TASP1: variants seen among roughly 807,000 people sequenced by gnomAD.
TASP1 encodes taspase 1, also known as threonine aspartase 1.
TASP1 carries 16 observed loss-of-function variants against 56.6 expected under a neutral mutation model. That is an observed-to-expected ratio of 0.28 (90% CI 0.19 to 0.43). TASP1 has a LOEUF of 0.43. Ranked by LOEUF, TASP1 falls within the 20% of genes least tolerant of loss-of-function variation. The probability of loss-of-function intolerance (pLI) is 1.00; values close to 1 mark genes in which losing one functional copy is unlikely to be tolerated. For missense variants in TASP1, 393 were observed against 511.6 expected (o/e 0.77, Z 2.24); for synonymous variants, 179 against 184.2 (o/e 0.97, Z 0.23).
the TASP1 span, among the ~76,000 whole-genome samples, chr20:13,351,612 GTGGT>G: frequency 6.6e-6 from 1 of 152,220 alleles, no homozygotes; most frequent in African/African-American, 2.4e-5. Context: ...GAATAGATTA[GTGGT>G]TGCTTGGGGT....
the TASP1 span, among the ~76,000 whole-genome samples, chr20:13,351,993 C>A: frequency 9.2e-5 from 14 of 152,172 alleles, no homozygotes; most frequent in African/African-American, 3.4e-4. Flanking sequence ...CTGTAAGTAG[C>A]CACATATAGC....
the TASP1 span, among the ~76,000 whole-genome samples, chr20:13,153,673 G>C: frequency 6.6e-6 from 1 of 152,134 alleles, no homozygotes; most frequent in Non-Finnish European, 1.5e-5. Context: ...CCCTTCTCTT[G>C]AGTTGATGTT....
At position 13,483,165 on chromosome 20, in the gene TASP1, G is replaced by C. The variant is rs2043200093; in HGVS notation, c.985+62C>G. On this transcript the variant is annotated intron_variant, in intron 11 of 13. Transcript: ENST00000337743. ...ATACAAATGGAGTACCTGACTCATA[G>C]TGCTTATAGAAGTGAAATAATCCAT... 3 of 1,243,288 alleles carry C rather than the reference G, an allele frequency of 2.4e-6. No individual in the cohort carries two copies. In the African/African-American group the frequency reaches 4.6e-5, roughly 19 times the overall value. 77.0% of individuals were successfully genotyped at this position (1,243,288 alleles called of 1,614,324 possible).
chr20:13,623,862 T>C (rs2048798176), intron 3 of TASP1, among the ~76,000 whole-genome samples: 3 of 152,208 alleles, frequency 2.0e-5, no homozygotes, highest in African/African-American at 7.2e-5. Flanking sequence ...TCATATTTTA[T>C]ACAGAACACT....
At chr20:13,528,219 CAAAAA>C (rs397942980) in intron 10 of TASP1, among the ~76,000 whole-genome samples, 1,518 of 54,204 alleles carry the variant, frequency 0.028, 17 homozygotes, top group African/African-American at 0.1. Context: ...GACTCTGACT[CAAAAA>C]AAAAAAAAAA....
intron 7 of TASP1, among the ~76,000 whole-genome samples, chr20:13,561,519 C>T (rs1027414355): frequency 3.3e-5 from 5 of 152,106 alleles, no homozygotes; most frequent in Non-Finnish European, 7.4e-5. Context: ...GCACGTGCCA[C>T]CACGCCTGGC....
the TASP1 span, chr20:13,221,801 C>T: frequency 1.4e-6 from 2 of 1,454,490 alleles, no homozygotes; most frequent in Non-Finnish European, 1.8e-6. Flanking sequence ...GGCCGAGCTG[C>T]TGCTGCTGCT....
In TASP1 at chr20:13,629,918, C is replaced by T; in HGVS notation, c.145+16G>A. On this transcript the variant is annotated intron_variant, in intron 2 of 13. Coordinates refer to ENST00000337743, the MANE Select transcript of TASP1 (RefSeq NM_017714.3). ...TCAACATTATTGGCATCTTCCAAGC[C>T]ATCCACAAAGCTTACCTGCATGCAC... 1 of 1,612,886 alleles carries T rather than the reference C, an allele frequency of 6.2e-7. No homozygotes were observed. Among genetic ancestry groups the T allele is most frequent in the Non-Finnish European group, 8.5e-7 (1 of 1,179,562 alleles).
At chr20:13,483,194 T>C in intron 11 of TASP1, 33 bp downstream of exon 11, 3 of 1,408,766 alleles carry the variant, frequency 2.1e-6, no homozygotes, top group South Asian at 2.6e-5. Context: ...AATCCATATT[T>C]AGAAGATGTA....
At chr20:13,455,293 G>A (rs2043788544) in intron 11 of TASP1, among the ~76,000 whole-genome samples, 1 of 151,926 alleles carries the variant, frequency 6.6e-6, no homozygotes, top group Non-Finnish European at 1.5e-5. Flanking sequence ...TAATACAGGG[G>A]GTCTTCAAAA....
At chr20:13,493,291 T>C (rs1258660007) in intron 10 of TASP1, among the ~76,000 whole-genome samples, 2 of 152,184 alleles carry the variant, frequency 1.3e-5, no homozygotes, top group African/African-American at 2.4e-5. Context: ...TGGGTGTGTC[T>C]GTGAGGGTGC....
At chr20:13,230,166 A>T in the TASP1 span, among the ~76,000 whole-genome samples, 2 of 152,218 alleles carry the variant, frequency 1.3e-5, no homozygotes, top group Admixed American at 6.5e-5. Context: ...CTCCAAAGCA[A>T]ATAATCTCAA....
At chr20:13,500,263 G>GTGTA (rs1555772911) in intron 10 of TASP1, among the ~76,000 whole-genome samples, 1 of 140,472 alleles carries the variant, frequency 7.1e-6, no homozygotes, top group African/African-American at 2.7e-5. Flanking sequence ...GTGTATGTGT[G>GTGTA]TATATATATA....
chr20:13,542,252 A>T (rs1206319195), intron 8 of TASP1, among the ~76,000 whole-genome samples: 9 of 152,120 alleles, frequency 5.9e-5, no homozygotes, highest in Admixed American at 2.0e-4. Context: ...CATCACACAA[A>T]ATAAGTGTTA....
chr20:13,487,182 C>G (rs2043351101), intron 10 of TASP1, among the ~76,000 whole-genome samples: 1 of 152,192 alleles, frequency 6.6e-6, no homozygotes, highest in East Asian at 1.9e-4. Flanking sequence ...CTGGTACTTA[C>G]CAGTCCTCAA....
intron 10 of TASP1, among the ~76,000 whole-genome samples, chr20:13,509,438 T>A (rs1051109167): frequency 6.6e-6 from 1 of 152,138 alleles, no homozygotes; most frequent in African/African-American, 2.4e-5. Context: ...TGATTACAGT[T>A]AATAATAATG....
In TASP1 at chr20:13,580,943, A is replaced by G. The variant is rs772397933; in HGVS notation, c.442T>C (p.Cys148Arg). Reference protein sequence around the residue: ...NPVSVANRLLCEGQKGKLSAG... With the variant: ...NPVSVANRLLREGQKGKLSAG... Reference sequence around the variant, plus strand: ...GAGAGCTTGCCCTTCTGCCCTTCACATAAGAGTCTGTTGGCAACCGAGACT... The same window carrying G: ...GAGAGCTTGCCCTTCTGCCCTTCACGTAAGAGTCTGTTGGCAACCGAGACT... Residue 148 changes from cysteine (C) to arginine (R), a missense_variant, in exon 6 of 14, where the codon TGT becomes CGT. By Grantham distance (180) the Cys-to-Arg change is radical. Transcript: ENST00000337743. 6.8e-6 allele frequency: 11 copies of G among 1,613,332 alleles called. No individual in the cohort carries two copies. Among genetic ancestry groups the G allele is most frequent in the Non-Finnish European group, 9.3e-6 (11 of 1,179,738 alleles).
chr20:13,136,186 CA>C, the TASP1 span, among the ~76,000 whole-genome samples: 3 of 151,908 alleles, frequency 2.0e-5, no homozygotes, highest in African/African-American at 4.8e-5. Flanking sequence ...GGTGGTAAGG[CA>C]GGGGAGGGGA....
chr20:13,189,059 G>A, the TASP1 span, among the ~76,000 whole-genome samples: 218 of 152,184 alleles, frequency 1.4e-3, no homozygotes, highest in African/African-American at 4.9e-3. Context: ...CTATAAATTT[G>A]TTCTGACCAC....
Sources: gnomAD v4.1 joint callset for allele counts (sites outside exome capture counted in the v4.1 genomes callset) on GRCh38, gnomAD v4.1.1 for gene constraint, MANE v1.5 for transcripts, NCBI Gene and HGNC (gene_info 2026-07-23, HGNC 2026-07-21) for gene names.